The following CDH10 variants were observed in gnomAD, a reference collection of about 807,000 sequenced individuals.
CDH10 encodes the protein cadherin 10.
In CDH10, 30 loss-of-function variants were observed where a neutral mutation model predicts 73.1. The observed-to-expected ratio is 0.41, with a 90% CI of 0.31 to 0.56. The LOEUF (loss-of-function observed/expected upper bound fraction) is 0.56, where lower values mean the gene tolerates loss of function less well. Among genes scored for constraint, CDH10 ranks in the 20% least tolerant of loss-of-function variants. CDH10 has a pLI of 0.27. For missense variants in CDH10, 815 were observed against 973.7 expected (o/e 0.84, Z 2.17); for synonymous variants, 345 against 348.2 (o/e 0.99, Z 0.10).
At chr5:24,634,231 T>G (rs547794612) in intron 1 of CDH10, among the ~76,000 whole-genome samples, 1 of 151,870 alleles carries the variant, frequency 6.6e-6, no homozygotes, top group South Asian at 2.1e-4. Flanking sequence ...ATTTCTCCTC[T>G]AATTTTGCAC....
intron 1 of CDH10, among the ~76,000 whole-genome samples, chr5:24,598,333 T>C (rs1398518363): frequency 1.3e-5 from 2 of 152,056 alleles, no homozygotes; most frequent in East Asian, 1.9e-4. Flanking sequence ...TAATTCTACA[T>C]TGAATATTTA....
At chr5:24,542,805 AG>A (rs551878645) in intron 2 of CDH10, among the ~76,000 whole-genome samples, 36 of 152,106 alleles carry the variant, frequency 2.4e-4, no homozygotes, top group Non-Finnish European at 4.4e-4. Flanking sequence ...ACATGGCAGA[AG>A]GGCAAAAGGT....
chr5:24,497,999 G>A (rs991172638), intron 9 of CDH10, among the ~76,000 whole-genome samples: 4 of 152,144 alleles, frequency 2.6e-5, no homozygotes, highest in Non-Finnish European at 5.9e-5. Context: ...ATATTCTGCT[G>A]CTCCCATACA....
At position 24,627,448 on chromosome 5, in the gene CDH10, A is replaced by C. The variant is rs570779212; in HGVS notation, c.-124+17146T>G. ...AAAGAAAAATATAGAGTGAAATAAT[A>C]GATCACATATTTTTTCCTCTCAGGA... On this transcript the variant is annotated intron_variant, in intron 1 of 11. Transcript: ENST00000264463. Among the ~76,000 whole-genome samples the C allele has an allele frequency of 5.3e-5, 8 of 152,300 alleles. No homozygotes were observed. The South Asian group carries it at 1.7e-3, about 32-fold the overall frequency.
chr5:24,545,562 C>T (rs1744308439), intron 2 of CDH10, among the ~76,000 whole-genome samples: 1 of 152,092 alleles, frequency 6.6e-6, no homozygotes, highest in Non-Finnish European at 1.5e-5. Context: ...TACCTATAAT[C>T]TCGGTGCTTT....
intron 1 of CDH10, among the ~76,000 whole-genome samples, chr5:24,625,534 T>G (rs114050275): frequency 0.012 from 1,674 of 142,406 alleles, 15 homozygotes; most frequent in Non-Finnish European, 0.018. Context: ...GAGATCAATC[T>G]ATTTATCTAT....
At chr5:24,628,790 A>G (rs6884336) in intron 1 of CDH10, among the ~76,000 whole-genome samples, 87,899 of 149,748 alleles carry the variant, frequency 0.59, 30,499 homozygotes, top group Admixed American at 0.74. Flanking sequence ...GCCTTTGCTC[A>G]CAGAAATACA....
At chr5:24,548,950 A>G (rs747605565) in intron 2 of CDH10, among the ~76,000 whole-genome samples, 13 of 152,166 alleles carry the variant, frequency 8.5e-5, no homozygotes, top group Non-Finnish European at 1.8e-4. Context: ...TTAAGAATAT[A>G]AAACAGGTGG....
At chr5:24,577,340 T>A (rs1400892146) in intron 2 of CDH10, among the ~76,000 whole-genome samples, 1 of 152,168 alleles carries the variant, frequency 6.6e-6, no homozygotes, top group African/African-American at 2.4e-5. Context: ...AGGACCTTCA[T>A]ATTATCCTGT....
intron 5 of CDH10, among the ~76,000 whole-genome samples, chr5:24,513,711 C>T (rs17457987): frequency 0.11 from 17,175 of 152,094 alleles, 1,215 homozygotes; most frequent in Admixed American, 0.18. Context: ...TTTCTATCTC[C>T]GGTAACACAC....
At position 24,565,171 on chromosome 5, in the gene CDH10, G is replaced by A. The variant is rs145104744; in HGVS notation, c.232-27497C>T. 2.6e-5 allele frequency among the ~76,000 whole-genome samples: 4 copies of A among 152,262 alleles called. No individual in the cohort carries two copies. In the East Asian group the frequency reaches 7.7e-4, roughly 29 times the overall value. On this transcript the variant is annotated intron_variant, in intron 2 of 11. Coordinates refer to ENST00000264463, the MANE Select transcript of CDH10 (RefSeq NM_006727.5). ...CAATAGAACTGAATTGTTTAGGAAAGAAGAGAAGAAAAAGGGAGGAGGAAA... is the reference window on the plus strand; with the variant it reads ...CAATAGAACTGAATTGTTTAGGAAAAAAGAGAAGAAAAAGGGAGGAGGAAA...
chr5:24,598,799 T>A (rs1009262457), intron 1 of CDH10, among the ~76,000 whole-genome samples: 4 of 152,160 alleles, frequency 2.6e-5, no homozygotes, highest in Non-Finnish European at 5.9e-5. Flanking sequence ...CCGTTTGAAA[T>A]TAGTTTTATT....
At chr5:24,502,052 TG>T (rs1009618638) in intron 8 of CDH10, among the ~76,000 whole-genome samples, 2 of 37,324 alleles carry the variant, frequency 5.4e-5, no homozygotes, top group African/African-American at 9.2e-5. Flanking sequence ...CCGGTAAGCT[TG>T]GGACTACAGG....
intron 2 of CDH10, among the ~76,000 whole-genome samples, chr5:24,585,448 G>A (rs142951508): frequency 1.4e-4 from 21 of 152,208 alleles, no homozygotes; most frequent in African/African-American, 4.8e-4. Context: ...CAACAACGGA[G>A]TTTAGCTTTT....
intron 1 of CDH10, among the ~76,000 whole-genome samples, chr5:24,620,382 T>G (rs564538756): frequency 1.3e-5 from 2 of 152,100 alleles, no homozygotes; most frequent in Non-Finnish European, 2.9e-5. Context: ...AGAAAAAAAA[T>G]TATTAAAAAG....
intron 2 of CDH10, among the ~76,000 whole-genome samples, chr5:24,538,986 A>G (rs1744059885): frequency 6.6e-6 from 1 of 152,064 alleles, no homozygotes; most frequent in Non-Finnish European, 1.5e-5. Flanking sequence ...GCTTCAACAA[A>G]TTTTTATGTT....
At position 24,584,445 on chromosome 5, in the gene CDH10, C is replaced by CTTTTTTT. The variant is rs34192671; in HGVS notation, c.231+8808_231+8814dup. On this transcript the variant is annotated intron_variant, in intron 2 of 11. Transcript: ENST00000264463. Reference sequence around the variant, plus strand: ...GTTCACGTTCACATCCTTTCTTTTCCTTTTTTTTTTTTTTTTTTTTGTGTG... The same window carrying CTTTTTTT: ...GTTCACGTTCACATCCTTTCTTTTCCTTTTTTTTTTTTTTTTTTTTTTTTTTTGTGTG... Among the ~76,000 whole-genome samples, 28 of 28,086 alleles carry CTTTTTTT rather than the reference C, an allele frequency of 1.0e-3. 2 individuals are homozygous for CTTTTTTT. The highest frequency in any genetic ancestry group is 4.7e-3 in the South Asian group (2 of 430). The allele number at this position is 28,086 out of a possible 152,430, so 18.4% of individuals were successfully genotyped here. A position where few individuals can be genotyped will look rare whatever the true frequency, so the allele number is the denominator to read the frequency against.
At position 24,635,408 on chromosome 5, in the gene CDH10, C is replaced by G. The variant is rs146606781; in HGVS notation, c.-124+9186G>C. ...TTTATGTGGCTCATGGACCTCACAA[C>G]AGTTAGTCTCACTCTTTCTTATGCT... On this transcript the variant is annotated intron_variant, in intron 1 of 11. Coordinates refer to ENST00000264463, the MANE Select transcript of CDH10 (RefSeq NM_006727.5). 9.9e-5 allele frequency among the ~76,000 whole-genome samples: 15 copies of G among 152,072 alleles called. No individual in the cohort carries two copies. In the East Asian group the frequency reaches 2.7e-3, roughly 28 times the overall value.
chr5:24,619,963 T>C (rs1461807637), intron 1 of CDH10, among the ~76,000 whole-genome samples: 3 of 152,174 alleles, frequency 2.0e-5, no homozygotes, highest in Non-Finnish European at 1.5e-5. Context: ...CACTTTATGG[T>C]AGGTTGTCAC....
Sources: allele counts gnomAD v4.1 joint callset (sites outside exome capture counted in the v4.1 genomes callset), GRCh38; gene constraint gnomAD v4.1.1; transcripts MANE v1.5; gene names NCBI Gene and HGNC (gene_info 2026-07-23, HGNC 2026-07-21).